PNRC2: variants seen among roughly 807,000 people sequenced by gnomAD.
PNRC2 encodes proline rich nuclear receptor coactivator 2.
PNRC2 carries 2 observed loss-of-function variants against 12.2 expected under a neutral mutation model. That is an observed-to-expected ratio of 0.16 (90% CI 0.07 to 0.52). The LOEUF (loss-of-function observed/expected upper bound fraction) is 0.52, where lower values mean the gene tolerates loss of function less well. Among genes scored for constraint, PNRC2 ranks in the 20% least tolerant of loss-of-function variants. PNRC2 has a pLI of 0.95. For synonymous variants in PNRC2, 44 were observed against 53.9 expected (o/e 0.82, Z 0.80); for missense variants, 115 against 158.4 (o/e 0.73, Z 1.47).
rs550685505 is a variant in PNRC2 at position 23,963,080 on chromosome 1, GTT to G, written c.*1206_*1207del. On this transcript the variant is annotated 3_prime_UTR_variant, in exon 3 of 3. Transcript: ENST00000334351. ...TAGTTTCGAGTATGGTGCCAGTGAT[GTT>G]TTGTTTTTGTTTGGTCAAGGGGTAG... 414 of 167,056 alleles carry G rather than the reference GTT, an allele frequency of 2.5e-3. 6 individuals carry two copies. The highest frequency in any genetic ancestry group is 9.6e-3 in the African/African-American group (398 of 41,544). The allele number at this position is 167,056 out of a possible 1,614,324, so 10.3% of individuals were successfully genotyped here.
intron 1 of PNRC2, 103 bp downstream of exon 1, chr1:23,960,101 G>GCGCGGGCGGT (rs1553147016): frequency 5.3e-5 from 8 of 152,296 alleles, no homozygotes; most frequent in Middle Eastern, 6.8e-3. Flanking sequence ...ACCCGGGCGG[G>GCGCGGGCGGT]CGCGGGCGGT....
rs925439638 is a variant in PNRC2, at chr1:23,963,370, A to T, written c.*1493A>T. The T allele has an allele frequency of 1.8e-5, 3 of 166,068 alleles. No individual in the cohort carries two copies. The highest frequency in any genetic ancestry group is 7.2e-5 in the African/African-American group (3 of 41,440). The allele number at this position is 166,068 out of a possible 1,614,324, so 10.3% of individuals were successfully genotyped here. On this transcript the variant is annotated 3_prime_UTR_variant, in exon 3 of 3. Coordinates refer to ENST00000334351, the MANE Select transcript of PNRC2 (RefSeq NM_017761.4). Reference sequence around the variant, plus strand: ...CAAGTTAAATATTGATAGCCTAAAGACAAGTTTATGTAGTACTTAATGTAC... The same window carrying T: ...CAAGTTAAATATTGATAGCCTAAAGTCAAGTTTATGTAGTACTTAATGTAC...
At position 23,961,454 on chromosome 1, in the gene PNRC2, G is replaced by A; in HGVS notation, c.-4G>A. The A allele has an allele frequency of 6.3e-7, 1 of 1,585,612 alleles. No individual in the cohort carries two copies. ...TTCACTTGTAGGTGACAAAGAAGCT[G>A]AAGATGGGTGGTGGAGAGAGGTATA... On this transcript the variant is annotated 5_prime_UTR_variant, in exon 3 of 3. Transcript: ENST00000334351.
rs1641288196 is a variant in PNRC2, at chr1:23,961,949, G to C, written c.*72G>C. Reference sequence around the variant, plus strand: ...ATTGGTCTGAAACAAATTCGCTAGGGAATCTATTTGTGTAGAACTAATTAA... The same window carrying C: ...ATTGGTCTGAAACAAATTCGCTAGGCAATCTATTTGTGTAGAACTAATTAA... On this transcript the variant is annotated 3_prime_UTR_variant, in exon 3 of 3. Transcript: ENST00000334351. 2 of 822,634 alleles carry C rather than the reference G, an allele frequency of 2.4e-6. No homozygotes were observed. Among genetic ancestry groups the C allele is most frequent in the Middle Eastern group, 3.6e-4 (1 of 2,770 alleles). 51.0% of individuals were successfully genotyped at this position (822,634 alleles called of 1,614,324 possible). A position where few individuals can be genotyped will look rare whatever the true frequency, so the allele number is the denominator to read the frequency against.
At position 23,962,132 on chromosome 1, in the gene PNRC2, G is replaced by A. The variant is rs1641292173; in HGVS notation, c.*255G>A. On this transcript the variant is annotated 3_prime_UTR_variant, in exon 3 of 3. Transcript: ENST00000334351. ...GATTTGGGGAGTGGTAAAGGAATCA[G>A]CTTTTTCTATTGTTAGGGGAAGACA... 1 of 328,458 alleles carries A rather than the reference G, an allele frequency of 3.0e-6. No individual in the cohort carries two copies. The highest frequency in any genetic ancestry group is 5.9e-6 in the Non-Finnish European group (1 of 168,730). 20.3% of individuals were successfully genotyped at this position (328,458 alleles called of 1,614,324 possible). A position where few individuals can be genotyped will look rare whatever the true frequency, so the allele number is the denominator to read the frequency against.
In PNRC2 at chr1:23,961,473, A is replaced by T. The variant is rs1284414167; in HGVS notation, c.16A>T (p.Arg6Trp). 1.9e-6 allele frequency: 3 copies of T among 1,607,246 alleles called. No homozygotes were observed. Among genetic ancestry groups the T allele is most frequent in the Non-Finnish European group, 2.5e-6 (3 of 1,176,794 alleles). ...GAAGCTGAAGATGGGTGGTGGAGAGAGGTATAACATTCCAGCCCCTCAATC... is the reference window on the plus strand; with the variant it reads ...GAAGCTGAAGATGGGTGGTGGAGAGTGGTATAACATTCCAGCCCCTCAATC... MGGGE[R>W]YNIPAPQSRN... The change falls in exon 3 of 3, where the codon AGG (arginine) becomes TGG (tryptophan). Residue 6 changes from arginine (R) to tryptophan (W), a missense_variant. This residue lies in a region of PNRC2 where 98 missense variants were observed against 112.4 expected (regional missense o/e 0.87). Coordinates refer to ENST00000334351, the MANE Select transcript of PNRC2 (RefSeq NM_017761.4).
At chr1:23,960,440 AAG>A (rs1641255473) in intron 1 of PNRC2, among the ~76,000 whole-genome samples, 1 of 152,124 alleles carries the variant, frequency 6.6e-6, no homozygotes, top group African/African-American at 2.4e-5. Flanking sequence ...AACTTATTTT[AAG>A]ACGGGGAGGA....
In PNRC2 at chr1:23,961,437, T is replaced by C. The variant is rs1268043816; in HGVS notation, c.-18-3T>C. On this transcript the variant is annotated splice_polypyrimidine_tract_variant and splice_region_variant and intron_variant, in intron 2 of 2. Transcript: ENST00000334351. ...CTCAATATTTGTTTCCATTCACTTG[T>C]AGGTGACAAAGAAGCTGAAGATGGG... The C allele has an allele frequency of 1.4e-5, 21 of 1,480,854 alleles. No homozygotes were observed. In the Middle Eastern group the frequency reaches 8.9e-4, roughly 63 times the overall value. 91.7% of individuals were successfully genotyped at this position (1,480,854 alleles called of 1,614,324 possible). A position where few individuals can be genotyped will look rare whatever the true frequency, so the allele number is the denominator to read the frequency against.
chr1:23,961,495 A>C lies in PNRC2; in HGVS notation c.38A>C (p.Gln13Pro), dbSNP rs1181195905. 5.0e-6 allele frequency: 8 copies of C among 1,611,260 alleles called. No individual in the cohort carries two copies. Among genetic ancestry groups the C allele is most frequent in the Non-Finnish European group, 5.9e-6 (7 of 1,178,604 alleles). ...GGERYNIPAPQSRNVSKNQQQ... is the reference protein window; with the variant it reads ...GGERYNIPAPPSRNVSKNQQQ... ...GAGAGGTATAACATTCCAGCCCCTC[A>C]ATCTAGAAATGTTAGTAAGAACCAA... Residue 13 changes from glutamine to proline, a missense_variant, in exon 3 of 3, where the codon CAA (glutamine) becomes CCA (proline). Physicochemically the swap from Gln to Pro is moderately conservative, Grantham distance 76 (BLOSUM62 -1). Transcript: ENST00000334351.
chr1:23,960,286 C>T (rs1310675807), intron 1 of PNRC2, among the ~76,000 whole-genome samples: 1 of 152,204 alleles, frequency 6.6e-6, no homozygotes, highest in African/African-American at 2.4e-5. Context: ...CTCTCTTACC[C>T]CTTTGAAAGG....
rs1641315150 is a variant in PNRC2, at chr1:23,963,256, A to G, written c.*1379A>G. 4 of 167,112 alleles carry G rather than the reference A, an allele frequency of 2.4e-5. No individual in the cohort carries two copies. Among genetic ancestry groups the G allele is most frequent in the East Asian group, 3.8e-4 (2 of 5,196 alleles). The allele number at this position is 167,112 out of a possible 1,614,324, so 10.4% of individuals were successfully genotyped here. ...TAAAAATTTTGATTGTTAATGCCCT[A>G]TTTTCTAATTTGGCACCTCTTGATG... On this transcript the variant is annotated 3_prime_UTR_variant, in exon 3 of 3. Transcript: ENST00000334351.
At chr1:23,960,413 CTG>C (rs1396504913) in intron 1 of PNRC2, among the ~76,000 whole-genome samples, 2 of 152,162 alleles carry the variant, frequency 1.3e-5, no homozygotes, top group South Asian at 2.1e-4. Context: ...TGGGCTTAGA[CTG>C]TTAGGGCTTG....
In PNRC2 at chr1:23,962,961, ATC is replaced by A. The variant is rs1641309230; in HGVS notation, c.*1086_*1087del. The A allele has an allele frequency of 6.0e-6, 1 of 166,892 alleles. No individual in the cohort carries two copies. The highest frequency in any genetic ancestry group is 2.4e-5 in the African/African-American group (1 of 41,418). 10.3% of individuals were successfully genotyped at this position (166,892 alleles called of 1,614,324 possible). A position where few individuals can be genotyped will look rare whatever the true frequency, so the allele number is the denominator to read the frequency against. The stretch of plus-strand genomic sequence containing the variant: ...GAGATGTGAAATGCAGTATGGGACT[ATC>A]TTTTTTTCCTCCTCTAAGCCCAAAG... On this transcript the variant is annotated 3_prime_UTR_variant, in exon 3 of 3. Transcript: ENST00000334351.
At position 23,963,434 on chromosome 1, in the gene PNRC2, T is replaced by C. The variant is rs1641319020; in HGVS notation, c.*1557T>C. 1 of 165,754 alleles carries C rather than the reference T, an allele frequency of 6.0e-6. No individual in the cohort carries two copies. The highest frequency in any genetic ancestry group is 6.5e-5 in the Admixed American group (1 of 15,274). The allele number at this position is 165,754 out of a possible 1,614,324, so 10.3% of individuals were successfully genotyped here. A position where few individuals can be genotyped will look rare whatever the true frequency, so the allele number is the denominator to read the frequency against. On this transcript the variant is annotated 3_prime_UTR_variant, in exon 3 of 3. Coordinates refer to ENST00000334351, the MANE Select transcript of PNRC2 (RefSeq NM_017761.4). ...GAAGCATAAAATTAAATAAAATTTT[T>C]CCCCATTGGCTTGGTTTTATTTTAA...
rs1641309871 is a variant in PNRC2 at position 23,962,997 on chromosome 1, G to C, written c.*1120G>C. ...CTCCTCTAAGCCCAAAGATTAACTA[G>C]AGTCCCTCCAACCTTATAGATTGTT... On this transcript the variant is annotated 3_prime_UTR_variant, in exon 3 of 3. Coordinates refer to ENST00000334351, the MANE Select transcript of PNRC2 (RefSeq NM_017761.4). 6.0e-6 allele frequency: 1 copy of C among 166,902 alleles called. No homozygotes were observed. Among genetic ancestry groups the C allele is most frequent in the Non-Finnish European group, 1.5e-5 (1 of 68,056 alleles). The allele number at this position is 166,902 out of a possible 1,614,324, so 10.3% of individuals were successfully genotyped here.
intron 1 of PNRC2, among the ~76,000 whole-genome samples, chr1:23,960,623 T>A (rs1025508212): frequency 5.3e-5 from 8 of 152,230 alleles, no homozygotes; most frequent in Admixed American, 2.0e-4. Flanking sequence ...ACTCAACATT[T>A]AACACTTCCT....
Position 23,962,051 on chromosome 1 carries a change from T to C in PNRC2, c.*174T>C. 1.8e-6 allele frequency: 1 copy of C among 549,706 alleles called. No individual in the cohort carries two copies. 34.1% of individuals were successfully genotyped at this position (549,706 alleles called of 1,614,324 possible). A position where few individuals can be genotyped will look rare whatever the true frequency, so the allele number is the denominator to read the frequency against. ...TATCAGTGCAACTTAAACTAATGATTGTACTTGATATTAAGTGTTCTCAAC... is the reference window on the plus strand; with the variant it reads ...TATCAGTGCAACTTAAACTAATGATCGTACTTGATATTAAGTGTTCTCAAC... On this transcript the variant is annotated 3_prime_UTR_variant, in exon 3 of 3. Coordinates refer to ENST00000334351, the MANE Select transcript of PNRC2 (RefSeq NM_017761.4).
At position 23,963,398 on chromosome 1, in the gene PNRC2, GAT is replaced by G. The variant is rs1273330585; in HGVS notation, c.*1524_*1525del. ...AGTTTATGTAGTACTTAATGTACAT[GAT>G]ATGAATGTGAAGCATAAAATTAAAT... On this transcript the variant is annotated 3_prime_UTR_variant, in exon 3 of 3. Transcript: ENST00000334351. 1 of 143,122 alleles carries G rather than the reference GAT, an allele frequency of 7.0e-6. No homozygotes were observed. Among genetic ancestry groups the G allele is most frequent in the East Asian group, 2.3e-4 (1 of 4,402 alleles). The allele number at this position is 143,122 out of a possible 1,614,324, so 8.9% of individuals were successfully genotyped here. A position where few individuals can be genotyped will look rare whatever the true frequency, so the allele number is the denominator to read the frequency against.
At chr1:23,959,520 G>A (rs1641236387), upstream of PNRC2, among the ~76,000 whole-genome samples, 2 of 152,148 alleles carry the variant, frequency 1.3e-5, no homozygotes, top group South Asian at 4.2e-4. Context: ...CGGCGAGCCC[G>A]CGCGCACGAG....
Sources: gnomAD v4.1 joint callset for allele counts (sites outside exome capture counted in the v4.1 genomes callset) on GRCh38, gnomAD v4.1.1 for gene constraint, gnomAD v4.1.1 regional missense constraint, MANE v1.5 for transcripts, NCBI Gene and HGNC (gene_info 2026-07-23, HGNC 2026-07-21) for gene names.